PTAR1: variants seen among roughly 807,000 people sequenced by gnomAD.
PTAR1 encodes the protein protein prenyltransferase alpha subunit repeat containing 1.
In PTAR1, 17 loss-of-function variants were observed where a neutral mutation model predicts 45.5. That is an observed-to-expected ratio of 0.37 (90% CI 0.26 to 0.56). PTAR1 has a LOEUF of 0.56. Among genes scored for constraint, PTAR1 ranks in the 20% least tolerant of loss-of-function variants. PTAR1 has a pLI of 0.77. For missense variants in PTAR1, 391 were observed against 476.3 expected (o/e 0.82, Z 1.67); for synonymous variants, 169 against 171.3 (o/e 0.99, Z 0.11).
chr9:69,718,518 TAG>T lies in PTAR1; in HGVS notation c.1031_1032del (p.Ser344Ter), dbSNP rs753754630. 1.9e-6 allele frequency: 3 copies of T among 1,613,750 alleles called. No homozygotes were observed. The highest frequency in any genetic ancestry group is 2.2e-5 in the South Asian group (2 of 91,074). On this transcript the variant is annotated frameshift_variant, in exon 8 of 8. Coordinates refer to ENST00000340434, the MANE Select transcript of PTAR1 (RefSeq NM_001099666.2). LOFTEE classifies it high-confidence loss of function. ...GTTTCCTGGGAATAGCCTTGCTTGC[TAG>T]AGTCATTCAGTCCATCTACTTCCAT... is the stretch of plus-strand genomic sequence containing the variant. ...QAMEVDGLND[S>X]SKQGYSQETK...
Position 69,759,908 on chromosome 9 carries a change from G to C in PTAR1, c.31C>G (p.Leu11Val). The part of the protein sequence containing the change: MAETSEEVAV[L>V]VQRVVKDITN... Reference sequence around the variant, plus strand: ...ATGTCCTTCACAACCCGCTGCACCAGCACCGCCACCTCCTCGCTGGTCTCG... The same window carrying C: ...ATGTCCTTCACAACCCGCTGCACCACCACCGCCACCTCCTCGCTGGTCTCG... The change falls in exon 1 of 8, where the codon CTG becomes GTG. Residue 11 changes from leucine (L) to valine (V), a missense_variant. Leu to Val is a conservative substitution (Grantham distance 32). Around this residue, in one of 5 missense-constraint regions of PTAR1, gnomAD observed 152 missense variants for 160.0 expected, o/e 0.95. Transcript: ENST00000340434. 2.6e-6 allele frequency: 4 copies of C among 1,526,260 alleles called. No homozygotes were observed. Among genetic ancestry groups the C allele is most frequent in the Middle Eastern group, 3.4e-4 (2 of 5,856 alleles). 94.5% of individuals were successfully genotyped at this position (1,526,260 alleles called of 1,614,324 possible). A position where few individuals can be genotyped will look rare whatever the true frequency, so the allele number is the denominator to read the frequency against.
rs771454601 is a variant in PTAR1, at chr9:69,732,264, C to A, written c.517G>T (p.Ala173Ser). 6.2e-7 allele frequency: 1 copy of A among 1,613,816 alleles called. No homozygotes were observed. Among genetic ancestry groups the A allele is most frequent in the South Asian group, 1.1e-5 (1 of 91,086 alleles). ...ATCTCTTCTTGTATGAGTCGCTGTG[C>A]CCTTTCTGTGGGAATTGTTCCCAAG... ...GNLGTIPTER[A>S]QRLIQEEMEV... The change falls in exon 5 of 8, where the codon GCA becomes TCA. Residue 173 changes from alanine (A) to serine (S), a missense_variant. By Grantham distance (99) the Ala-to-Ser change is moderately conservative. This residue lies in a region of PTAR1 where 46 missense variants were observed against 39.6 expected (regional missense o/e 1.16). Coordinates refer to ENST00000340434, the MANE Select transcript of PTAR1 (RefSeq NM_001099666.2).
At chr9:69,752,602 T>C (rs1448229170) in intron 1 of PTAR1, among the ~76,000 whole-genome samples, 7 of 152,096 alleles carry the variant, frequency 4.6e-5, no homozygotes, top group African/African-American at 1.4e-4. Context: ...TACAATGTAC[T>C]GGGTGCTTTC....
chr9:69,740,321 A>T (rs1347763777), intron 3 of PTAR1, among the ~76,000 whole-genome samples: 1 of 152,066 alleles, frequency 6.6e-6, no homozygotes, highest in East Asian at 1.9e-4. Context: ...AAGTTCCATG[A>T]ATCTTAGGCC....
intron 3 of PTAR1, among the ~76,000 whole-genome samples, chr9:69,739,506 C>G (rs774348273): frequency 9.9e-5 from 15 of 151,814 alleles, no homozygotes; most frequent in Non-Finnish European, 1.5e-5. Flanking sequence ...ATTTTTGCCT[C>G]TATTTCTTTC....
In PTAR1 at chr9:69,718,339, C is replaced by G; in HGVS notation, c.*3G>C. 6.3e-7 allele frequency: 1 copy of G among 1,590,020 alleles called. No homozygotes were observed. The highest frequency in any genetic ancestry group is 8.6e-7 in the Non-Finnish European group (1 of 1,166,082). Reference sequence around the variant, plus strand: ...GGAACCTTGTAGGACTAATTCACCTCTTTCATTGACTCAAAGTAACCAGCC... The same window carrying G: ...GGAACCTTGTAGGACTAATTCACCTGTTTCATTGACTCAAAGTAACCAGCC... On this transcript the variant is annotated 3_prime_UTR_variant, in exon 8 of 8. Transcript: ENST00000340434.
chr9:69,727,506 A>C (rs1163164803), intron 5 of PTAR1, among the ~76,000 whole-genome samples: 1 of 6,434 alleles, frequency 1.6e-4, no homozygotes, highest in African/African-American at 5.0e-4. Context: ...TTTGGTATTT[A>C]AGATTAAAAA....
Position 69,714,045 on chromosome 9 carries a change from A to C in PTAR1, c.*4297T>G, listed in dbSNP as rs992829979. 2.6e-5 allele frequency: 4 copies of C among 152,106 alleles called. No homozygotes were observed. The highest frequency in any genetic ancestry group is 5.9e-5 in the Non-Finnish European group (4 of 68,000). The allele number at this position is 152,106 out of a possible 1,614,324, so 9.4% of individuals were successfully genotyped here. A position where few individuals can be genotyped will look rare whatever the true frequency, so the allele number is the denominator to read the frequency against. ...TCTCTACAGTTATTTTTTAAAAGAC[A>C]CTATGTGACAATAAGGAATTCTTAG... On this transcript the variant is annotated 3_prime_UTR_variant, in exon 8 of 8. Transcript: ENST00000340434.
rs1000725671 is a variant in PTAR1 at position 69,736,378 on chromosome 9, G to A, written c.324-2124C>T. On this transcript the variant is annotated intron_variant, in intron 3 of 7. Transcript: ENST00000340434. ...TTGAGACCATCCTGGCCAACATGGT[G>A]AAACTTTGTTTCTATTAAAAGTAAA... 2.0e-5 allele frequency among the ~76,000 whole-genome samples: 3 copies of A among 152,312 alleles called. No individual in the cohort carries two copies. In the East Asian group the frequency reaches 5.8e-4, roughly 29 times the overall value.
At chr9:69,720,625 T>C (rs961500127) in intron 6 of PTAR1, among the ~76,000 whole-genome samples, 8 of 152,184 alleles carry the variant, frequency 5.3e-5, no homozygotes, top group Non-Finnish European at 8.8e-5. Context: ...AAAGATGCCA[T>C]CTAGGACTTT....
Position 69,713,649 on chromosome 9 carries a change from T to G in PTAR1, c.*4693A>C, listed in dbSNP as rs965496022. 2.0e-5 allele frequency: 3 copies of G among 152,130 alleles called. No individual in the cohort carries two copies. Among genetic ancestry groups the G allele is most frequent in the Admixed American group, 2.0e-4 (3 of 15,242 alleles). 9.4% of individuals were successfully genotyped at this position (152,130 alleles called of 1,614,324 possible). On this transcript the variant is annotated 3_prime_UTR_variant, in exon 8 of 8. Coordinates refer to ENST00000340434, the MANE Select transcript of PTAR1 (RefSeq NM_001099666.2). ...GCAAAGGATTCATTTAGGACAACGT[T>G]CTGGCCTTTATTTTAGGGCAGAGTG... is the stretch of plus-strand genomic sequence containing the variant.
At chr9:69,727,152 CTCACA>C (rs1375057222) in intron 5 of PTAR1, among the ~76,000 whole-genome samples, 2 of 151,936 alleles carry the variant, frequency 1.3e-5, no homozygotes, top group Non-Finnish European at 2.9e-5. Flanking sequence ...TATCTATCAC[CTCACA>C]TAAGTATTTT....
At position 69,734,171 on chromosome 9, in the gene PTAR1, C is replaced by T. The variant is rs773948512; in HGVS notation, c.407G>A (p.Ser136Asn). 6.5e-7 allele frequency: 1 copy of T among 1,539,790 alleles called. No homozygotes were observed. Among genetic ancestry groups the T allele is most frequent in the Admixed American group, 1.8e-5 (1 of 56,152 alleles). Residue 136 changes from serine (S) to asparagine (N), a missense_variant, in exon 4 of 8, where the codon AGT becomes AAT. Coordinates refer to ENST00000340434, the MANE Select transcript of PTAR1 (RefSeq NM_001099666.2). Reference sequence around the variant, plus strand: ...ACACCTGTGAATCCATGTTTCTGGACTCTTTGGAAACTTGGTTAAGGCGAG... The same window carrying T: ...ACACCTGTGAATCCATGTTTCTGGATTCTTTGGAAACTTGGTTAAGGCGAG... The part of the protein sequence containing the change: ...GKLALTKFPK[S>N]PETWIHRRWV...
intron 5 of PTAR1, among the ~76,000 whole-genome samples, chr9:69,729,651 T>C (rs912771180): frequency 6.6e-5 from 10 of 152,194 alleles, no homozygotes; most frequent in Non-Finnish European, 1.5e-4. Flanking sequence ...TCACCCTCCT[T>C]TTCCGGATGA....
At chr9:69,719,797 A>G (rs1824903562) in intron 6 of PTAR1, among the ~76,000 whole-genome samples, 1 of 152,128 alleles carries the variant, frequency 6.6e-6, no homozygotes, top group Non-Finnish European at 1.5e-5. Context: ...TAACATTACT[A>G]ATATTTCAAA....
chr9:69,733,332 A>G (rs1205880244), intron 4 of PTAR1, among the ~76,000 whole-genome samples: 1 of 152,194 alleles, frequency 6.6e-6, no homozygotes, highest in East Asian at 1.9e-4. Flanking sequence ...TGCAATGTTA[A>G]CTAAAGGCAC....
chr9:69,718,759 T>C (rs1824841736), intron 6 of PTAR1, 75 bp from the exon 7 acceptor site: 7 of 1,252,934 alleles, frequency 5.6e-6, no homozygotes, highest in Non-Finnish European at 6.5e-6. Context: ...AAAAAAAGTT[T>C]GCAATTTCAA....
At chr9:69,732,820 C>A (rs538051435) in intron 4 of PTAR1, among the ~76,000 whole-genome samples, 1 of 152,254 alleles carries the variant, frequency 6.6e-6, no homozygotes, top group Admixed American at 6.5e-5. Flanking sequence ...TGATAGCTTT[C>A]ATTCAGCAAA....
Position 69,738,746 on chromosome 9 carries a change from C to T in PTAR1, c.323+3046G>A, listed in dbSNP as rs769936895. Among the ~76,000 whole-genome samples the T allele has an allele frequency of 2.4e-4, 37 of 151,984 alleles. 1 individual carries two copies. The highest frequency in any genetic ancestry group is 3.4e-3 in the Middle Eastern group (1 of 290). The stretch of plus-strand genomic sequence containing the variant: ...CATTAAAGAATGGTATTAGAAACCA[C>T]AATGTGGGTGCTAGAATTAAATTGT... On this transcript the variant is annotated intron_variant, in intron 3 of 7. Transcript: ENST00000340434.
Sources: allele counts gnomAD v4.1 joint callset (sites outside exome capture counted in the v4.1 genomes callset), GRCh38; gene constraint gnomAD v4.1.1; regional missense constraint gnomAD v4.1.1; transcripts MANE v1.5; gene names NCBI Gene and HGNC (gene_info 2026-07-23, HGNC 2026-07-21).